Variants in DGKB observed in about 807,000 individuals in gnomAD.
The protein encoded by DGKB is 90 kDa diacylglycerol kinase.
Under a neutral mutation model 114.3 loss-of-function variants are expected in DGKB, and 67 were observed. The ratio of observed to expected loss-of-function variants is 0.59; its 90% CI spans 0.48 to 0.72. The LOEUF is 0.72. Among genes scored for constraint, DGKB ranks in the 30% least tolerant of loss-of-function variants. The pLI, the probability that DGKB is intolerant of heterozygous loss-of-function variation, is 0.00. For missense variants in DGKB, 907 were observed against 975.2 expected, an observed-to-expected ratio of 0.93 and a Z score of 0.93; for synonymous variants, 398 against 323.1, an observed-to-expected ratio of 1.23 and a Z score of -2.49.
intron 21 of DGKB, among the ~76,000 whole-genome samples, chr7:14,441,217 C>T (rs1420138988): frequency 6.6e-6 from 1 of 151,976 alleles, no homozygotes; most frequent in Non-Finnish European, 1.5e-5. Flanking sequence ...ACCATGTTGG[C>T]TAGGCTGGTC....
In DGKB at chr7:14,753,931, G is replaced by C. The variant is rs529004205; in HGVS notation, c.165C>G (p.Asn55Lys). 1.3e-6 allele frequency: 2 copies of C among 1,511,442 alleles called. No homozygotes were observed. Among genetic ancestry groups the C allele is most frequent in the African/African-American group, 2.8e-5 (2 of 72,622 alleles). 93.6% of individuals were successfully genotyped at this position (1,511,442 alleles called of 1,614,324 possible). A position where few individuals can be genotyped will look rare whatever the true frequency, so the allele number is the denominator to read the frequency against. The change falls in exon 4 of 26, where the codon AAC (asparagine) becomes AAG (lysine). Residue 55 changes from asparagine to lysine, a missense_variant. Transcript: ENST00000402815. ...YNPEGKQDIL[N>K]QTIDFEGFKL... ...AATAGAAAAGAAAATGTCTTACTTG[G>C]TTAAGAATGTCTTGTTTCTGTGCAT...
At chr7:14,175,273 A>G (rs955086002) in intron 25 of DGKB, among the ~76,000 whole-genome samples, 6 of 152,220 alleles carry the variant, frequency 3.9e-5, no homozygotes, top group African/African-American at 1.4e-4. Flanking sequence ...TATTTAATAC[A>G]TACTCACATA....
intron 23 of DGKB, among the ~76,000 whole-genome samples, chr7:14,245,649 C>T (rs1266927385): frequency 9.2e-5 from 14 of 152,024 alleles, no homozygotes; most frequent in Non-Finnish European, 1.9e-4. Context: ...TGATTTCTGC[C>T]AGGCGAGACG....
At chr7:14,920,798 T>C (rs576957350) in intron 1 of DGKB, among the ~76,000 whole-genome samples, 2 of 152,258 alleles carry the variant, frequency 1.3e-5, no homozygotes, top group South Asian at 4.1e-4. Flanking sequence ...GTCTCTAAAA[T>C]GAAATATTAT....
At chr7:14,557,694 T>C (rs1220909225) in intron 20 of DGKB, among the ~76,000 whole-genome samples, 3 of 152,028 alleles carry the variant, frequency 2.0e-5, no homozygotes, top group Non-Finnish European at 4.4e-5. Flanking sequence ...TTGTAAATAA[T>C]ACTTTTTCCA....
intron 1 of DGKB, among the ~76,000 whole-genome samples, chr7:14,864,673 C>T (rs1383666675): frequency 2.0e-5 from 3 of 151,732 alleles, no homozygotes; most frequent in South Asian, 4.2e-4. Flanking sequence ...GAAGCAGCAG[C>T]GATTAGCCAG....
chr7:14,735,716 C>G (rs781148071), intron 5 of DGKB, among the ~76,000 whole-genome samples: 2 of 151,958 alleles, frequency 1.3e-5, no homozygotes, highest in African/African-American at 2.4e-5. Flanking sequence ...GCTTTGTGAC[C>G]ACATTTTCAA....
chr7:14,476,962 G>A (rs1782273685), intron 21 of DGKB, among the ~76,000 whole-genome samples: 2 of 151,938 alleles, frequency 1.3e-5, no homozygotes, highest in African/African-American at 4.8e-5. Flanking sequence ...ATGTTGGTCA[G>A]GCTGGTCTCG....
intron 13 of DGKB, among the ~76,000 whole-genome samples, chr7:14,667,637 G>A (rs890910473): frequency 2.0e-5 from 3 of 152,070 alleles, no homozygotes; most frequent in Non-Finnish European, 2.9e-5. Flanking sequence ...TTAAATGAAG[G>A]GCTACAGGTC....
At chr7:14,423,208 A>T (rs143044431) in intron 21 of DGKB, among the ~76,000 whole-genome samples, 298 of 152,208 alleles carry the variant, frequency 2.0e-3, no homozygotes, top group African/African-American at 6.7e-3. Flanking sequence ...AGTCAGCATA[A>T]TATCACTATT....
chr7:14,313,564 G>T (rs1585075350), intron 23 of DGKB, among the ~76,000 whole-genome samples: 1 of 152,196 alleles, frequency 6.6e-6, no homozygotes, highest in African/African-American at 2.4e-5. Flanking sequence ...CGAATACTGC[G>T]CTTTTCCGAC....
chr7:14,789,503 A>C (rs905835474), intron 2 of DGKB, among the ~76,000 whole-genome samples: 2 of 152,182 alleles, frequency 1.3e-5, no homozygotes, highest in East Asian at 1.9e-4. Context: ...GTTGAAGACT[A>C]TCTGGGTTGT....
intron 25 of DGKB, among the ~76,000 whole-genome samples, chr7:14,155,689 G>A (rs1425326540): frequency 6.6e-6 from 1 of 152,086 alleles, no homozygotes; most frequent in Admixed American, 6.6e-5. Context: ...AGGATACGAT[G>A]GGTGAGTGGA....
chr7:14,193,255 A>G (rs1784567852), intron 23 of DGKB, among the ~76,000 whole-genome samples: 1 of 152,202 alleles, frequency 6.6e-6, no homozygotes, highest in Admixed American at 6.5e-5. Context: ...AGCAAAAAGA[A>G]CAAAGTGGAA....
chr7:14,374,293 C>T (rs997320356), intron 21 of DGKB, among the ~76,000 whole-genome samples: 1 of 152,132 alleles, frequency 6.6e-6, no homozygotes, highest in Non-Finnish European at 1.5e-5. Flanking sequence ...CCACTGGGAG[C>T]GATGAAGTGG....
At chr7:14,909,549 C>T (rs533815399) in intron 1 of DGKB, among the ~76,000 whole-genome samples, 1 of 152,148 alleles carries the variant, frequency 6.6e-6, no homozygotes, top group Admixed American at 6.5e-5. Context: ...TAGTTATACC[C>T]AGCCCAATGT....
intron 5 of DGKB, among the ~76,000 whole-genome samples, chr7:14,722,587 G>A (rs1829356053): frequency 6.6e-6 from 1 of 152,122 alleles, no homozygotes. Flanking sequence ...GCCGAGGTGG[G>A]AGGATCACAA....
chr7:14,715,970 A>G (rs1204503523), intron 6 of DGKB, among the ~76,000 whole-genome samples: 1 of 152,198 alleles, frequency 6.6e-6, no homozygotes, highest in Non-Finnish European at 1.5e-5. Context: ...TACCTGGCAG[A>G]AAAGACAGGC....
chr7:14,182,366 T>C (rs542861808), intron 23 of DGKB, among the ~76,000 whole-genome samples: 7 of 152,168 alleles, frequency 4.6e-5, no homozygotes, highest in African/African-American at 1.7e-4. Context: ...CTAACAGCAT[T>C]TTAATCTAAT....
Sources: gnomAD v4.1 joint callset for allele counts (sites outside exome capture counted in the v4.1 genomes callset) on GRCh38, gnomAD v4.1.1 for gene constraint, MANE v1.5 for transcripts, NCBI Gene and HGNC (gene_info 2026-07-23, HGNC 2026-07-21) for gene names.